Variants in PGAP2 observed in about 807,000 individuals in gnomAD.
The protein encoded by PGAP2 is acyltransferase PGAP2.
A neutral mutation model predicts 33.2 loss-of-function variants in PGAP2; 21 were observed. The observed-to-expected ratio is 0.63, with a 90% CI of 0.45 to 0.91. The LOEUF (loss-of-function observed/expected upper bound fraction) is 0.91, where lower values mean the gene tolerates loss of function less well. Among genes scored for constraint, PGAP2 ranks in the 40% least tolerant of loss-of-function variants. PGAP2 has a pLI of 0.00. For synonymous variants in PGAP2, 161 were observed against 172.9 expected (o/e 0.93, Z 0.54); for missense variants, 345 against 424.0 (o/e 0.81, Z 1.64).
rs896855250 is a variant in PGAP2, at chr11:3,821,495, C to T, written c.349-2388C>T. Among the ~76,000 whole-genome samples the T allele has an allele frequency of 1.2e-4, 18 of 152,164 alleles. 1 individual carries two copies. The highest frequency in any genetic ancestry group is 8.3e-4 in the South Asian group (4 of 4,834). ...TATTCTTGCTGGGGGTGGTGGCTCA[C>T]GCCTGTAATCCCAGCACTTTGGGAG... On this transcript the variant is annotated intron_variant, in intron 3 of 6. Coordinates refer to ENST00000278243, the MANE Select transcript of PGAP2 (RefSeq NM_014489.4).
upstream of PGAP2, chr11:3,808,559 C>G (rs1483570182): frequency 7.2e-6 from 10 of 1,390,706 alleles, no homozygotes; most frequent in African/African-American, 1.5e-5. Flanking sequence ...CCGCCCCCGC[C>G]GTTCGCGCTC....
intron 2 of PGAP2, among the ~76,000 whole-genome samples, chr11:3,814,893 T>G (rs1000968198): frequency 2.0e-5 from 3 of 150,536 alleles, no homozygotes; most frequent in East Asian, 1.9e-4. Context: ...TCCTTCCCTT[T>G]CCCTTTCCCT....
chr11:3,814,819 T>A (rs559564553), intron 2 of PGAP2, among the ~76,000 whole-genome samples: 21 of 149,184 alleles, frequency 1.4e-4, no homozygotes, highest in African/African-American at 4.9e-4. Context: ...TTTCTCTTTC[T>A]TTCTTTTTTT....
At position 3,814,800 on chromosome 11, in the gene PGAP2, CTTTCTTTCTTTCTCTT is replaced by C. The variant is rs775230761; in HGVS notation, c.166-2551_166-2536del. Among the ~76,000 whole-genome samples, 918 of 117,928 alleles carry C rather than the reference CTTTCTTTCTTTCTCTT, an allele frequency of 7.8e-3. 8 individuals are homozygous for C. The highest frequency in any genetic ancestry group is 0.011 in the Non-Finnish European group (573 of 53,470). The allele number at this position is 117,928 out of a possible 152,430, so 77.4% of individuals were successfully genotyped here. On this transcript the variant is annotated intron_variant, in intron 2 of 6. Transcript: ENST00000278243. ...TCTTTCTTTCTTTCTTTCTTTCTTT[CTTTCTTTCTTTCTCTT>C]TCTTTCTTTTTTTCTTTTTTTCCTT...
chr11:3,797,934 G>C (rs897839598), exon 1 of PGAP2: 2 of 1,547,994 alleles, frequency 1.3e-6, no homozygotes, highest in East Asian at 2.5e-5. Flanking sequence ...GCCGCGACTC[G>C]GGCTGAGGGA....
intron 1 of PGAP2, among the ~76,000 whole-genome samples, chr11:3,801,096 T>C (rs1206186199): frequency 6.6e-6 from 1 of 150,684 alleles, no homozygotes; most frequent in Non-Finnish European, 1.5e-5. Flanking sequence ...ATGGCACCAT[T>C]GCACTCCAGC....
At chr11:3,824,927 A>T (rs1311076508) in intron 5 of PGAP2, 93 bp from the exon 6 acceptor site, 1 of 1,563,558 alleles carries the variant, frequency 6.4e-7, no homozygotes, top group African/African-American at 1.4e-5. Context: ...GCCAAGGGAG[A>T]TAAGGCCCAG....
chr11:3,804,833 C>T (rs929525580), upstream of PGAP2, among the ~76,000 whole-genome samples: 2 of 152,102 alleles, frequency 1.3e-5, no homozygotes, highest in Admixed American at 6.5e-5. Context: ...TCCCAAGTAG[C>T]TGGGATTACA....
chr11:3,799,396 A>G (rs61896928), intron 1 of PGAP2, among the ~76,000 whole-genome samples: 20,739 of 151,824 alleles, frequency 0.14, 1,587 homozygotes, highest in Middle Eastern at 0.23. Context: ...AAATTGGTCA[A>G]GCATGGTGGT....
rs1424909032 is a variant in PGAP2 at position 3,811,578 on chromosome 11, G to A, written c.165+154G>A. On this transcript the variant is annotated intron_variant, in intron 2 of 6. Transcript: ENST00000278243. The surrounding 1 kb of genome is among the most constrained non-coding windows in gnomAD (Gnocchi z 4.6). ...ATGCCTGCAAATTGAAATCTCAAGG[G>A]TTAGTCTCCCTCTGCCTTCTGTGAG... Among the ~76,000 whole-genome samples the A allele has an allele frequency of 1.4e-4, 22 of 152,144 alleles. 1 individual carries two copies.
chr11:3,825,104 CACA>C lies in PGAP2; in HGVS notation c.797_799del (p.Asn266del), dbSNP rs1001816896. The C allele has an allele frequency of 6.2e-7, 1 of 1,614,052 alleles. No individual in the cohort carries two copies. The highest frequency in any genetic ancestry group is 1.3e-5 in the African/African-American group (1 of 74,924). On this transcript the variant is annotated inframe_deletion, in exon 6 of 7. Transcript: ENST00000278243. ...CTCGGCGCTGGCTGTCTACTTTCGGCACAACATGTATTGTGAGGCTGGAGGTGA... is the reference window on the plus strand; with the variant it reads ...CTCGGCGCTGGCTGTCTACTTTCGGCACATGTATTGTGAGGCTGGAGGTGA...
chr11:3,808,579 C>A lies in PGAP2; in HGVS notation c.-83C>A. 8 of 1,364,674 alleles carry A rather than the reference C, an allele frequency of 5.9e-6. No homozygotes were observed. Among genetic ancestry groups the A allele is most frequent in the South Asian group, 1.6e-5 (1 of 61,000 alleles). The allele number at this position is 1,364,674 out of a possible 1,614,324, so 84.5% of individuals were successfully genotyped here. On this transcript the variant is annotated 5_prime_UTR_variant, in exon 1 of 7. Coordinates refer to ENST00000278243, the MANE Select transcript of PGAP2 (RefSeq NM_014489.4). The stretch of plus-strand genomic sequence containing the variant: ...CCCGCCGTTCGCGCTCTGACCAGCC[C>A]GCAGAGCCAGCCCCCGACCCCGGGC...
At chr11:3,823,516 C>A in intron 3 of PGAP2, 2 of 1,314,050 alleles carry the variant, frequency 1.5e-6, no homozygotes, top group Non-Finnish European at 2.1e-6. Context: ...TGGACTGAAT[C>A]TGAGGCCTTG....
chr11:3,801,589 C>T (rs1374424150), intron 1 of PGAP2, among the ~76,000 whole-genome samples: 1 of 138,786 alleles, frequency 7.2e-6, no homozygotes, highest in African/African-American at 2.7e-5. Flanking sequence ...TTGCAGTGAG[C>T]AGAGATCGCG....
At chr11:3,813,068 T>C (rs2085949352) in intron 2 of PGAP2, among the ~76,000 whole-genome samples, 5 of 152,192 alleles carry the variant, frequency 3.3e-5, no homozygotes, top group Admixed American at 3.3e-4. Flanking sequence ...GTCTTCCCTA[T>C]CCTCCTTGGG....
Position 3,824,389 on chromosome 11 carries a change from C to G in PGAP2, c.708+13C>G, listed in dbSNP as rs2089596407. 3 of 1,614,188 alleles carry G rather than the reference C, an allele frequency of 1.9e-6. No individual in the cohort carries two copies. Among genetic ancestry groups the G allele is most frequent in the Non-Finnish European group, 2.5e-6 (3 of 1,180,000 alleles). ...AGTAAGTCAGGAGGTACGGTCTATC[C>G]CTAGCGGGGGCTCCAAGGCAGCCCA... On this transcript the variant is annotated intron_variant, in intron 5 of 6. Transcript: ENST00000278243.
intron 1 of PGAP2, among the ~76,000 whole-genome samples, chr11:3,810,923 C>T (rs1296990394): frequency 3.3e-5 from 5 of 152,178 alleles, no homozygotes; most frequent in South Asian, 2.1e-4. Context: ...AAGAGAGACA[C>T]TTATTTAAAG....
chr11:3,812,765 G>T (rs1369224869), intron 2 of PGAP2, among the ~76,000 whole-genome samples: 1 of 152,140 alleles, frequency 6.6e-6, no homozygotes, highest in South Asian at 2.1e-4. Flanking sequence ...GTGAGTATGG[G>T]GTGGAGCCCC....
chr11:3,818,814 C>G (rs2087778050), intron 3 of PGAP2, among the ~76,000 whole-genome samples: 1 of 152,074 alleles, frequency 6.6e-6, no homozygotes, highest in African/African-American at 2.4e-5. Flanking sequence ...GTCTGGGGTT[C>G]CTATTATGAT....
Sources: allele counts gnomAD v4.1 joint callset (sites outside exome capture counted in the v4.1 genomes callset), GRCh38; gene constraint gnomAD v4.1.1; non-coding constraint Gnocchi (gnomAD v3.1); transcripts MANE v1.5; gene names NCBI Gene and HGNC (gene_info 2026-07-23, HGNC 2026-07-21).